Variants in NCAPD3 observed in about 807,000 individuals in gnomAD.
The protein encoded by NCAPD3 is condensin-2 complex subunit D3.
NCAPD3 carries 105 observed loss-of-function variants against 182.9 expected under a neutral mutation model. The observed-to-expected ratio is 0.57, with a 90% CI of 0.49 to 0.68. The LOEUF is 0.68. Ranked by LOEUF, NCAPD3 falls within the 30% of genes least tolerant of loss-of-function variation. The probability of loss-of-function intolerance (pLI) is 0.00; values close to 1 mark genes in which losing one functional copy is unlikely to be tolerated. For synonymous variants in NCAPD3, 815 were observed against 679.9 expected (o/e 1.20, Z -3.09); for missense variants, 1,944 against 1,837.0 (o/e 1.06, Z -1.07).
intron 16 of NCAPD3, among the ~76,000 whole-genome samples, chr11:134,188,319 T>C (rs1289997533): frequency 6.6e-6 from 1 of 152,138 alleles, no homozygotes; most frequent in African/African-American, 2.4e-5. Context: ...GCTACAGGAT[T>C]GTAAATGCAC....
At chr11:134,208,441 T>C (rs1312609031) in intron 7 of NCAPD3, among the ~76,000 whole-genome samples, 1 of 152,120 alleles carries the variant, frequency 6.6e-6, no homozygotes, top group African/African-American at 2.4e-5. Context: ...CCAATAGAAA[T>C]ACTGAAGCGC....
At chr11:134,162,027 T>A in intron 27 of NCAPD3, 136 bp from the exon 28 acceptor site, 1 of 563,364 alleles carries the variant, frequency 1.8e-6, no homozygotes, top group South Asian at 2.5e-5. Flanking sequence ...TGATACTGGA[T>A]GTAGAGGACC....
At chr11:134,169,876 G>A (rs546820605) in intron 24 of NCAPD3, among the ~76,000 whole-genome samples, 11 of 152,216 alleles carry the variant, frequency 7.2e-5, no homozygotes, top group Non-Finnish European at 1.5e-4. Context: ...ACACTGTCAA[G>A]ACCAGTGTTT....
chr11:134,184,789 T>G (rs1944364820), intron 18 of NCAPD3, 37 bp from the exon 19 acceptor site: 2 of 1,479,946 alleles, frequency 1.4e-6, no homozygotes, highest in African/African-American at 1.4e-5. Context: ...GTTCAACTGC[T>G]TAAATATATT....
At chr11:134,174,382 CAAAAAAAAAAAAA>C (rs34533048) in intron 24 of NCAPD3, among the ~76,000 whole-genome samples, 8 of 53,620 alleles carry the variant, frequency 1.5e-4, no homozygotes, top group African/African-American at 3.3e-4. Flanking sequence ...GACCCTGTCT[CAAAAAAAAAAAAA>C]AAAAAAAAAA....
At chr11:134,172,382 C>G (rs1046510219) in intron 24 of NCAPD3, among the ~76,000 whole-genome samples, 8 of 152,184 alleles carry the variant, frequency 5.3e-5, no homozygotes, top group Non-Finnish European at 1.0e-4. Flanking sequence ...TGATGACTAC[C>G]CTGCTGATCC....
At chr11:134,183,185 G>A (rs1944332539) in intron 19 of NCAPD3, 2 of 456,234 alleles carry the variant, frequency 4.4e-6, no homozygotes, top group Non-Finnish European at 8.8e-6. Flanking sequence ...AAAAGTCAGA[G>A]GCCTTAGTTC....
intron 2 of NCAPD3, 42 bp from the exon 3 acceptor site, chr11:134,217,140 A>T (rs772540910): frequency 2.7e-6 from 4 of 1,493,262 alleles, no homozygotes; most frequent in Middle Eastern, 1.8e-4. Flanking sequence ...TCATTAGAGA[A>T]ATGGAAACAT....
intron 20 of NCAPD3, among the ~76,000 whole-genome samples, chr11:134,180,580 G>T (rs1944274606): frequency 6.6e-6 from 1 of 152,080 alleles, no homozygotes; most frequent in Admixed American, 6.5e-5. Context: ...CAATCTTGGG[G>T]CTCCAAGGTC....
At chr11:134,175,276 C>A (rs1219953769) in intron 24 of NCAPD3, among the ~76,000 whole-genome samples, 1 of 152,186 alleles carries the variant, frequency 6.6e-6, no homozygotes, top group Non-Finnish European at 1.5e-5. Context: ...CCCAGCCTGT[C>A]TGATTACACC....
chr11:134,177,722 C>T (rs1425816370), intron 22 of NCAPD3: 2 of 450,358 alleles, frequency 4.4e-6, no homozygotes, highest in East Asian at 7.3e-5. Context: ...CTTTTAAAGT[C>T]AACATTTGAA....
intron 24 of NCAPD3, among the ~76,000 whole-genome samples, chr11:134,171,334 G>A (rs1390441541): frequency 6.6e-6 from 1 of 152,186 alleles, no homozygotes; most frequent in African/African-American, 2.4e-5. Context: ...CTCTCACTAA[G>A]AATCGAAATC....
Position 134,167,600 on chromosome 11 carries a change from T to G in NCAPD3, c.3573+396A>C, listed in dbSNP as rs1212882035. 3.5e-4 allele frequency among the ~76,000 whole-genome samples: 36 copies of G among 101,434 alleles called. No individual in the cohort carries two copies. The Admixed American group carries it at 3.7e-3, about 10-fold the overall frequency. The allele number at this position is 101,434 out of a possible 152,430, so 66.5% of individuals were successfully genotyped here. A position where few individuals can be genotyped will look rare whatever the true frequency, so the allele number is the denominator to read the frequency against. On this transcript the variant is annotated intron_variant, in intron 27 of 34. Transcript: ENST00000534548. ...AGATGAGCTTGGGGGAGGGGCACAC[T>G]CACTAGTGAGATGAGCTTGGGGGAG...
At chr11:134,220,783 C>A in intron 1 of NCAPD3, 57 bp from the exon 2 acceptor site, 1 of 1,532,260 alleles carries the variant, frequency 6.5e-7, no homozygotes. Context: ...AAAAACTAGT[C>A]ACCTTTAGAT....
intron 1 of NCAPD3, 59 bp from the exon 2 acceptor site, chr11:134,220,785 C>T: frequency 3.9e-6 from 6 of 1,519,324 alleles, no homozygotes; most frequent in Non-Finnish European, 5.4e-6. Context: ...AAACTAGTCA[C>T]CTTTAGATTC....
rs756234976 is a variant in NCAPD3, at chr11:134,206,667, G to A, written c.948C>T (p.Ser316=). ...AGGTAACAGCAAGGGGGGCACGATG[G>A]GATCCTTCACCAACTTCTAACATTA... ...VILMLEVGEG[S]HRAPLAVTSQ... Residue 316 remains serine (S), a synonymous_variant, in exon 8 of 35, where the codon TCC becomes TCT. Coordinates refer to ENST00000534548, the MANE Select transcript of NCAPD3 (RefSeq NM_015261.3). The A allele has an allele frequency of 1.2e-5, 20 of 1,613,468 alleles. No individual in the cohort carries two copies. The highest frequency in any genetic ancestry group is 8.5e-7 in the Non-Finnish European group (1 of 1,179,742).
intron 27 of NCAPD3, among the ~76,000 whole-genome samples, chr11:134,162,222 CT>C (rs1176638038): frequency 1.3e-5 from 2 of 152,232 alleles, no homozygotes; most frequent in African/African-American, 4.8e-5. Flanking sequence ...TTGGCTCTTG[CT>C]CCACCTTCAG....
chr11:134,162,585 G>GT (rs1188439085), intron 27 of NCAPD3, among the ~76,000 whole-genome samples: 9 of 152,114 alleles, frequency 5.9e-5, no homozygotes, highest in Non-Finnish European at 1.3e-4. Flanking sequence ...AGTCACTAGT[G>GT]TATGTTTCTT....
At chr11:134,164,953 G>A (rs1446491149) in intron 27 of NCAPD3, among the ~76,000 whole-genome samples, 1 of 150,394 alleles carries the variant, frequency 6.6e-6, no homozygotes, top group Non-Finnish European at 1.5e-5. Context: ...ACACTCACTT[G>A]TGACATAAGC....
Sources: allele counts gnomAD v4.1 joint callset (sites outside exome capture counted in the v4.1 genomes callset), GRCh38; gene constraint gnomAD v4.1.1; transcripts MANE v1.5; gene names NCBI Gene and HGNC (gene_info 2026-07-23, HGNC 2026-07-21).